JAKMIP2: variants seen among roughly 807,000 people sequenced by gnomAD.
JAKMIP2 encodes janus kinase and microtubule interacting protein 2.
In JAKMIP2, 25 loss-of-function variants were observed where a neutral mutation model predicts 115.0. That is an observed-to-expected ratio of 0.22 (90% CI 0.16 to 0.30). JAKMIP2 has a LOEUF of 0.30. Among genes scored for constraint, JAKMIP2 ranks in the 10% least tolerant of loss-of-function variants. JAKMIP2 has a pLI of 1.00. For missense variants in JAKMIP2, 642 were observed against 957.6 expected, an observed-to-expected ratio of 0.67 and a Z score of 4.35; for synonymous variants, 334 against 343.6, an observed-to-expected ratio of 0.97 and a Z score of 0.31.
chr5:147,693,752 C>T (rs1212460420), intron 1 of JAKMIP2, among the ~76,000 whole-genome samples: 7 of 152,068 alleles, frequency 4.6e-5, no homozygotes, highest in Admixed American at 6.5e-5. Context: ...TTTGCACTTT[C>T]GTTTCAGTCC....
At chr5:147,616,541 T>C (rs1756591680) in intron 19 of JAKMIP2, among the ~76,000 whole-genome samples, 1 of 152,200 alleles carries the variant, frequency 6.6e-6, no homozygotes, top group East Asian at 1.9e-4. Context: ...ACTTCAGTGT[T>C]TCCATGACAT....
In JAKMIP2 at chr5:147,608,267, G is replaced by A. The variant is rs180800267; in HGVS notation, c.2412+4039C>T. On this transcript the variant is annotated intron_variant, in intron 20 of 21. Coordinates refer to ENST00000616793, the MANE Select transcript of JAKMIP2 (RefSeq NM_001270941.2). ...TCTAGTTCTTTTCATTGTGATGTTA[G>A]GGTGGTGATTTTAGATCTTTCCCAC... Among the ~76,000 whole-genome samples, 316 of 152,222 alleles carry A rather than the reference G, an allele frequency of 2.1e-3. 2 individuals are homozygous for A. Among genetic ancestry groups the A allele is most frequent in the African/African-American group, 7.1e-3 (296 of 41,530 alleles).
intron 2 of JAKMIP2, among the ~76,000 whole-genome samples, chr5:147,670,934 T>C (rs996769365): frequency 6.6e-5 from 10 of 152,314 alleles, no homozygotes; most frequent in African/African-American, 2.2e-4. Context: ...AAAAAGCAAA[T>C]GTATGAATTA....
chr5:147,721,505 C>T (rs1174833788), intron 1 of JAKMIP2, among the ~76,000 whole-genome samples: 7 of 152,146 alleles, frequency 4.6e-5, no homozygotes, highest in East Asian at 1.9e-4. Flanking sequence ...AGCGAGACTC[C>T]GTGGGCGTAG....
intron 1 of JAKMIP2, among the ~76,000 whole-genome samples, chr5:147,713,852 G>A (rs1752870267): frequency 1.3e-5 from 2 of 152,192 alleles, no homozygotes; most frequent in African/African-American, 4.8e-5. Flanking sequence ...GGACTTCAGA[G>A]TGCCACATTC....
rs1385947449 is a variant in JAKMIP2 at position 147,585,496 on chromosome 5, A to G, written c.*6211T>C. Reference sequence around the variant, plus strand: ...TAAACTAAAACACCAGAGTTCATCGATTCCTATATTAAATACATAAATTAT... The same window carrying G: ...TAAACTAAAACACCAGAGTTCATCGGTTCCTATATTAAATACATAAATTAT... On this transcript the variant is annotated 3_prime_UTR_variant, in exon 22 of 22. Transcript: ENST00000616793. The G allele has an allele frequency of 2.0e-5, 3 of 152,230 alleles. No individual in the cohort carries two copies. The highest frequency in any genetic ancestry group is 4.4e-5 in the Non-Finnish European group (3 of 68,036). The allele number at this position is 152,230 out of a possible 1,614,324, so 9.4% of individuals were successfully genotyped here.
chr5:147,768,001 A>G (rs368535706), intron 1 of JAKMIP2, among the ~76,000 whole-genome samples: 2 of 152,130 alleles, frequency 1.3e-5, no homozygotes, highest in South Asian at 4.1e-4. Flanking sequence ...ATGGCCATTC[A>G]TGGCTTGATT....
intron 20 of JAKMIP2, among the ~76,000 whole-genome samples, chr5:147,608,143 T>G (rs1363620807): frequency 6.6e-6 from 1 of 152,192 alleles, no homozygotes; most frequent in Non-Finnish European, 1.5e-5. Context: ...TTCATTGATT[T>G]TTTGAAGGGT....
chr5:147,782,702 C>T lies in JAKMIP2; in HGVS notation c.-395G>A, dbSNP rs1755810459. The T allele has an allele frequency of 3.2e-6, 2 of 624,158 alleles. No homozygotes were observed. Among genetic ancestry groups the T allele is most frequent in the Non-Finnish European group, 5.8e-6 (2 of 344,686 alleles). 38.7% of individuals were successfully genotyped at this position (624,158 alleles called of 1,614,324 possible). A position where few individuals can be genotyped will look rare whatever the true frequency, so the allele number is the denominator to read the frequency against. ...GCAGCAGCATCACCAGTTGGGCCTCCTCCCTCTCGGAGGATGGGGTGAGCT... is the reference window on the plus strand; with the variant it reads ...GCAGCAGCATCACCAGTTGGGCCTCTTCCCTCTCGGAGGATGGGGTGAGCT... On this transcript the variant is annotated 5_prime_UTR_variant, in exon 1 of 22. Coordinates refer to ENST00000616793, the MANE Select transcript of JAKMIP2 (RefSeq NM_001270941.2).
At chr5:147,627,675 C>G (rs1432824) in intron 16 of JAKMIP2, among the ~76,000 whole-genome samples, 3 of 43,730 alleles carry the variant, frequency 6.9e-5, no homozygotes, top group African/African-American at 3.0e-4. Context: ...TAAAGCCTTT[C>G]TGTAAAAAAA....
intron 12 of JAKMIP2, among the ~76,000 whole-genome samples, chr5:147,633,488 C>T (rs1207059094): frequency 6.6e-6 from 1 of 152,166 alleles, no homozygotes; most frequent in South Asian, 2.1e-4. Flanking sequence ...TAAAGCTAAG[C>T]TCTTAAGCAT....
intron 1 of JAKMIP2, among the ~76,000 whole-genome samples, chr5:147,720,209 G>C (rs1161039076): frequency 6.6e-6 from 1 of 152,170 alleles, no homozygotes; most frequent in Non-Finnish European, 1.5e-5. Context: ...GGTTTCTGCC[G>C]ATAAATCTGC....
chr5:147,737,852 T>C (rs2126986128), intron 1 of JAKMIP2, among the ~76,000 whole-genome samples: 1 of 152,290 alleles, frequency 6.6e-6, no homozygotes, highest in Admixed American at 6.5e-5. Context: ...TTACAGAACG[T>C]TAGATTTAAG....
intron 21 of JAKMIP2, 94 bp downstream of exon 21, chr5:147,601,633 AAAACAAAACAAAAC>A (rs1554123825): frequency 1.4e-5 from 9 of 637,500 alleles, no homozygotes; most frequent in African/African-American, 1.3e-4. Flanking sequence ...AAAACAAAAC[AAAACAAAACAAAAC>A]AAAAAACTAA....
chr5:147,735,381 A>G (rs915362599), intron 1 of JAKMIP2, among the ~76,000 whole-genome samples: 1 of 152,280 alleles, frequency 6.6e-6, no homozygotes, highest in South Asian at 2.1e-4. Flanking sequence ...GGTTTAATTG[A>G]CTCACAGTTC....
intron 1 of JAKMIP2, among the ~76,000 whole-genome samples, chr5:147,759,291 G>T (rs1392902221): frequency 2.0e-5 from 3 of 151,958 alleles, no homozygotes; most frequent in Non-Finnish European, 2.9e-5. Flanking sequence ...AAAGAAAAAA[G>T]AAAAGAAAAT....
At chr5:147,626,380 C>T (rs1278097430) in intron 16 of JAKMIP2, among the ~76,000 whole-genome samples, 1 of 152,180 alleles carries the variant, frequency 6.6e-6, no homozygotes, top group South Asian at 2.1e-4. Flanking sequence ...GGCTAATTTG[C>T]CTCAGCTCCG....
chr5:147,727,408 C>T (rs553670405), intron 1 of JAKMIP2, among the ~76,000 whole-genome samples: 1 of 152,336 alleles, frequency 6.6e-6, no homozygotes, highest in African/African-American at 2.4e-5. Flanking sequence ...CTTTAATTGA[C>T]TCACAGTTTG....
chr5:147,615,100 C>T (rs1379974658), intron 19 of JAKMIP2, among the ~76,000 whole-genome samples: 1 of 152,204 alleles, frequency 6.6e-6, no homozygotes, highest in Non-Finnish European at 1.5e-5. Context: ...GCCCCTGTCC[C>T]TCTGTGAGAT....
Sources: allele counts gnomAD v4.1 joint callset (sites outside exome capture counted in the v4.1 genomes callset), GRCh38; gene constraint gnomAD v4.1.1; transcripts MANE v1.5; gene names NCBI Gene and HGNC (gene_info 2026-07-23, HGNC 2026-07-21).